The following PCDHGA1 variants were observed in gnomAD, a reference collection of about 807,000 sequenced individuals.
PCDHGA1 encodes the protein protocadherin gamma-A1.
PCDHGA1 carries 32 observed loss-of-function variants against 58.0 expected under a neutral mutation model. The observed-to-expected ratio is 0.55, with a 90% CI of 0.42 to 0.74. The LOEUF is 0.74. Ranked by LOEUF, PCDHGA1 falls within the 30% of genes least tolerant of loss-of-function variation. PCDHGA1 has a pLI of 0.00. For synonymous variants in PCDHGA1, 498 were observed against 501.1 expected, an observed-to-expected ratio of 0.99 and a Z score of 0.08; for missense variants, 1,205 against 1,182.3, an observed-to-expected ratio of 1.02 and a Z score of -0.28.
intron 1 of PCDHGA1, among the ~76,000 whole-genome samples, chr5:141,458,449 A>G (rs1483902182): frequency 6.6e-6 from 1 of 152,086 alleles, no homozygotes; most frequent in Non-Finnish European, 1.5e-5. Context: ...CCACATTAAC[A>G]ATTTTTAAAA....
At chr5:141,385,779 A>G (rs956234823) in intron 1 of PCDHGA1, 3 of 161,336 alleles carry the variant, frequency 1.9e-5, no homozygotes, top group Admixed American at 1.8e-4. Context: ...GCCTCCATGT[A>G]CCTCAGCTTG....
Position 141,393,255 on chromosome 5 carries a change from C to G in PCDHGA1, c.2421+60150C>G, listed in dbSNP as rs201229959. 2.3e-4 allele frequency: 367 copies of G among 1,613,786 alleles called. No individual in the cohort carries two copies. Among genetic ancestry groups the G allele is most frequent in the Non-Finnish European group, 2.9e-4 (338 of 1,179,916 alleles). On this transcript the variant is annotated intron_variant, in intron 1 of 3. Coordinates refer to ENST00000517417, the MANE Select transcript of PCDHGA1 (RefSeq NM_018912.3). ...AGTAAAAATTAACGAAATCGCGGTT[C>G]CTGGAGCACGTTATCCACTCCCAGA...
At chr5:141,412,890 T>G (rs2095584785) in intron 1 of PCDHGA1, 1 of 330,212 alleles carries the variant, frequency 3.0e-6, no homozygotes, top group Non-Finnish European at 5.4e-6. Context: ...AACAGAATAG[T>G]TTACTTTCCA....
intron 1 of PCDHGA1, chr5:141,345,546 G>A: frequency 1.2e-6 from 2 of 1,614,130 alleles, no homozygotes; most frequent in South Asian, 2.2e-5. Context: ...GTCCTCCTTC[G>A]TCTCTATCAA....
At chr5:141,371,129 C>T (rs779236316) in intron 1 of PCDHGA1, 2 of 1,614,012 alleles carry the variant, frequency 1.2e-6, no homozygotes, top group East Asian at 2.2e-5. Context: ...TTACTCAGGA[C>T]ATGTACAGGG....
At chr5:141,407,271 GA>G (rs2094907406) in intron 1 of PCDHGA1, among the ~76,000 whole-genome samples, 1 of 152,204 alleles carries the variant, frequency 6.6e-6, no homozygotes, top group African/African-American at 2.4e-5. Context: ...CATGCAACAA[GA>G]AAATTGTTAC....
intron 1 of PCDHGA1, chr5:141,361,812 G>A (rs748753973): frequency 1.9e-6 from 3 of 1,613,072 alleles, no homozygotes; most frequent in Non-Finnish European, 1.7e-6. Context: ...ATGACAATGC[G>A]CCACGGGTGC....
chr5:141,431,474 G>T lies in PCDHGA1; in HGVS notation c.2422-63333G>T, dbSNP rs747313827. 3.7e-6 allele frequency: 6 copies of T among 1,613,842 alleles called. No homozygotes were observed. The South Asian group carries it at 6.6e-5, about 18-fold the overall frequency. ...GATGGTTCTGGATGCGAACGACAAC[G>T]CACCAGCGTTTGCTCAGCCCGAGTA... is the stretch of plus-strand genomic sequence containing the variant. On this transcript the variant is annotated intron_variant, in intron 1 of 3. Transcript: ENST00000517417. The surrounding 1 kb of genome is among the most constrained non-coding windows in gnomAD (Gnocchi z 4.8).
At chr5:141,468,330 C>CAAAAAAAAAAAA (rs533390277) in intron 1 of PCDHGA1, 1 of 79,864 alleles carries the variant, frequency 1.3e-5, no homozygotes, top group African/African-American at 3.9e-5. Context: ...AACTCCATCT[C>CAAAAAAAAAAAA]AAAAAAAAAA....
rs747943587 is a variant in PCDHGA1 at position 141,345,095 on chromosome 5, C to T, written c.2421+11990C>T. 6 of 1,613,988 alleles carry T rather than the reference C, an allele frequency of 3.7e-6. No homozygotes were observed. The South Asian group carries it at 5.5e-5, about 15-fold the overall frequency. On this transcript the variant is annotated intron_variant, in intron 1 of 3. Coordinates refer to ENST00000517417, the MANE Select transcript of PCDHGA1 (RefSeq NM_018912.3). ...AAATTACAATCACGTCTCTCACAAG[C>T]TCAGTCCCAGAAGAGGGCACCGTTG... is the stretch of plus-strand genomic sequence containing the variant.
At chr5:141,408,301 C>A in intron 1 of PCDHGA1, 1 of 1,613,756 alleles carries the variant, frequency 6.2e-7, no homozygotes, top group Non-Finnish European at 8.5e-7. Flanking sequence ...GTGAGCCGAT[C>A]CGCTACTCGA....
chr5:141,344,958 T>C, intron 1 of PCDHGA1: 1 of 1,613,788 alleles, frequency 6.2e-7, no homozygotes, highest in Non-Finnish European at 8.5e-7. Flanking sequence ...AAGTCTAGAT[T>C]ATGAGGATGC....
At chr5:141,419,918 G>C (rs370039875) in intron 1 of PCDHGA1, 30 of 1,613,978 alleles carry the variant, frequency 1.9e-5, no homozygotes, top group Non-Finnish European at 2.5e-5. Flanking sequence ...CTCCCAGGCT[G>C]AGATGCAGTT....
At chr5:141,390,114 G>A in intron 1 of PCDHGA1, 1 of 1,614,048 alleles carries the variant, frequency 6.2e-7, no homozygotes, top group African/African-American at 1.3e-5. Flanking sequence ...CTACAGCGAG[G>A]GGACTTTGCC....
At position 141,352,032 on chromosome 5, in the gene PCDHGA1, A is replaced by G. The variant is rs558236918; in HGVS notation, c.2421+18927A>G. On this transcript the variant is annotated intron_variant, in intron 1 of 3. Coordinates refer to ENST00000517417, the MANE Select transcript of PCDHGA1 (RefSeq NM_018912.3). ...CTGGTGACCAAGGTGGTGGCGGTGG[A>G]CGCAGACTCAGGACACAACGCTTGG... is the stretch of plus-strand genomic sequence containing the variant. 7.5e-5 allele frequency: 120 copies of G among 1,608,932 alleles called. No individual in the cohort carries two copies. The East Asian group carries it at 2.6e-3, about 35-fold the overall frequency.
At chr5:141,421,508 A>C in intron 1 of PCDHGA1, 1 of 1,614,046 alleles carries the variant, frequency 6.2e-7, no homozygotes, top group Non-Finnish European at 8.5e-7. Context: ...ATAGACCGGG[A>C]GGAGCTCTGT....
rs2099686717 is a variant in PCDHGA1, at chr5:141,489,403, A to C, written c.2422-5404A>C. The C allele has an allele frequency of 6.2e-7, 1 of 1,614,172 alleles. No homozygotes were observed. Among genetic ancestry groups the C allele is most frequent in the East Asian group, 2.2e-5 (1 of 44,884 alleles). On this transcript the variant is annotated intron_variant, in intron 1 of 3. Coordinates refer to ENST00000517417, the MANE Select transcript of PCDHGA1 (RefSeq NM_018912.3). The surrounding 1 kb of genome is among the most constrained non-coding windows in gnomAD (Gnocchi z 4.5). ...GAATGTTGCTCAGGATCTGGGCTTA[A>C]AGATGACAGATCTGTTGAGCCGGCG...
chr5:141,485,214 G>T lies in PCDHGA1; in HGVS notation c.2422-9593G>T. 6.2e-7 allele frequency: 1 copy of T among 1,614,164 alleles called. No individual in the cohort carries two copies. The highest frequency in any genetic ancestry group is 8.5e-7 in the Non-Finnish European group (1 of 1,179,996). On this transcript the variant is annotated intron_variant, in intron 1 of 3. Transcript: ENST00000517417. This position sits in a 1 kb window ranked among gnomAD's most constrained non-coding sequence, Gnocchi z 5.7. ...AGAAGCTGGACAGAAATCTGGCGGT[G>T]GGCTACCCTTTTGTTCCTCTTTTAC...
intron 1 of PCDHGA1, chr5:141,338,705 A>G: frequency 3.3e-6 from 2 of 608,484 alleles, no homozygotes; most frequent in Non-Finnish European, 4.6e-6. Context: ...GAAATTATTT[A>G]GGCCTCTGAG....
Sources: gnomAD v4.1 joint callset for allele counts (sites outside exome capture counted in the v4.1 genomes callset) on GRCh38, gnomAD v4.1.1 for gene constraint, Gnocchi (gnomAD v3.1) non-coding constraint, MANE v1.5 for transcripts, NCBI Gene and HGNC (gene_info 2026-07-23, HGNC 2026-07-21) for gene names.